Variants in ANO10 observed in about 807,000 individuals in gnomAD.
ANO10 encodes the protein anoctamin 10.
Under a neutral mutation model 74.7 loss-of-function variants are expected in ANO10, and 77 were observed. That is an observed-to-expected ratio of 1.03 (90% CI 0.86 to 1.25). The LOEUF is 1.25. Among genes scored for constraint, ANO10 ranks in the 50% most tolerant of loss-of-function variants. The probability of loss-of-function intolerance (pLI) is 0.00; values close to 1 mark genes in which losing one functional copy is unlikely to be tolerated. For missense variants in ANO10, 721 were observed against 778.1 expected (o/e 0.93, Z 0.87); for synonymous variants, 279 against 284.9 (o/e 0.98, Z 0.21).
chr3:43,509,056 A>G (rs1306993319), intron 11 of ANO10, among the ~76,000 whole-genome samples: 2 of 151,944 alleles, frequency 1.3e-5, no homozygotes, highest in African/African-American at 4.8e-5. Flanking sequence ...GGATGAATTC[A>G]TGTCCTTTGT....
At position 43,565,665 on chromosome 3, in the gene ANO10, C is replaced by T; in HGVS notation, c.1281G>A (p.Lys427=). 1 of 1,579,594 alleles carries T rather than the reference C, an allele frequency of 6.3e-7. No homozygotes were observed. The highest frequency in any genetic ancestry group is 8.6e-7 in the Non-Finnish European group (1 of 1,163,308). The change falls in exon 8 of 13, where the codon AAG becomes AAA. Residue 427 remains lysine (K), a synonymous_variant. Coordinates refer to ENST00000292246, the MANE Select transcript of ANO10 (RefSeq NM_018075.5). ...FYIAFVLKDM[K]LLRQSLATLL... is the part of the protein sequence containing the mutation. ...TATTTTTACTTACCTGGCGCAAAAG[C>T]TTCATATCTTTCAAGACAAAGGCAA...
intron 1 of ANO10, among the ~76,000 whole-genome samples, chr3:43,610,033 T>C (rs2082737917): frequency 6.6e-6 from 1 of 152,156 alleles, no homozygotes; most frequent in African/African-American, 2.4e-5. Context: ...AACTTTTTGA[T>C]TTTTTTGACT....
intron 4 of ANO10, among the ~76,000 whole-genome samples, chr3:43,589,516 A>G (rs528861291): frequency 2.6e-5 from 4 of 152,266 alleles, no homozygotes; most frequent in Admixed American, 2.0e-4. Flanking sequence ...GTGAAACCTA[A>G]GACAGTAGAA....
intron 12 of ANO10, among the ~76,000 whole-genome samples, chr3:43,372,525 C>T (rs983354977): frequency 1.1e-4 from 16 of 152,252 alleles, no homozygotes; most frequent in Admixed American, 2.6e-4. Flanking sequence ...GCTCCCTCCA[C>T]CCAGGCTTGC....
chr3:43,481,934 T>TTTC (rs1287484214), intron 11 of ANO10, among the ~76,000 whole-genome samples: 1 of 147,914 alleles, frequency 6.8e-6, no homozygotes, highest in East Asian at 1.9e-4. Context: ...TTTCTTTTTT[T>TTTC]TTTTTTTTTT....
chr3:43,502,947 TA>T (rs1301883938), intron 11 of ANO10, among the ~76,000 whole-genome samples: 1 of 152,200 alleles, frequency 6.6e-6, no homozygotes, highest in Non-Finnish European at 1.5e-5. Flanking sequence ...AATAGGGAGT[TA>T]TTGTTTAATG....
At chr3:43,368,702 C>A (rs116896819) in intron 12 of ANO10, among the ~76,000 whole-genome samples, 2,937 of 127,994 alleles carry the variant, frequency 0.023, 198 homozygotes, top group Admixed American at 0.15. Context: ...TTTTTTTTTT[C>A]AAGAGCCAGG....
chr3:43,618,113 G>A (rs146819432), intron 1 of ANO10: 3 of 152,384 alleles, frequency 2.0e-5, no homozygotes, highest in African/African-American at 7.2e-5. Context: ...GATGTAGACA[G>A]ACGTGAGAAT....
chr3:43,394,784 T>C (rs940213777), intron 12 of ANO10, among the ~76,000 whole-genome samples: 8 of 152,132 alleles, frequency 5.3e-5, no homozygotes, highest in African/African-American at 1.9e-4. Flanking sequence ...TCTCACAGTG[T>C]TCCCATTTAC....
intron 11 of ANO10, among the ~76,000 whole-genome samples, chr3:43,466,323 A>C (rs1256141457): frequency 6.8e-6 from 1 of 147,356 alleles, no homozygotes; most frequent in Non-Finnish European, 1.5e-5. Context: ...GTGAGCCGAG[A>C]TCACTGCACT....
intron 11 of ANO10, among the ~76,000 whole-genome samples, chr3:43,544,526 T>C (rs1294990545): frequency 1.3e-5 from 2 of 151,908 alleles, no homozygotes; most frequent in Non-Finnish European, 2.9e-5. Flanking sequence ...GGTATGGTGG[T>C]TCACACCTGT....
At chr3:43,673,851 C>A (rs1053133676) in intron 1 of ANO10, among the ~76,000 whole-genome samples, 5 of 152,208 alleles carry the variant, frequency 3.3e-5, no homozygotes, top group Non-Finnish European at 7.4e-5. Flanking sequence ...CCTCTGGGCT[C>A]TTCCTTTACT....
chr3:43,493,810 A>G (rs2076817515), intron 11 of ANO10, among the ~76,000 whole-genome samples: 1 of 152,166 alleles, frequency 6.6e-6, no homozygotes, highest in South Asian at 2.1e-4. Context: ...ATCACAGCTC[A>G]CTGTAATCTC....
chr3:43,384,666 G>C (rs2092065958), intron 12 of ANO10, among the ~76,000 whole-genome samples: 1 of 152,106 alleles, frequency 6.6e-6, no homozygotes, highest in Admixed American at 6.5e-5. Context: ...AAAACAAAGT[G>C]GGGAAGGACA....
chr3:43,395,674 G>C (rs2092363947), intron 12 of ANO10, among the ~76,000 whole-genome samples: 1 of 151,856 alleles, frequency 6.6e-6, no homozygotes, highest in Admixed American at 6.6e-5. Context: ...TTGAAATCAA[G>C]TAGTCTTCCA....
intron 12 of ANO10, among the ~76,000 whole-genome samples, chr3:43,375,046 G>A (rs1191939920): frequency 2.0e-5 from 3 of 151,968 alleles, no homozygotes; most frequent in South Asian, 4.2e-4. Flanking sequence ...ACATGAACCC[G>A]GGAGGCGGAG....
intron 11 of ANO10, among the ~76,000 whole-genome samples, chr3:43,488,547 C>T (rs1460681702): frequency 2.6e-5 from 4 of 152,154 alleles, no homozygotes; most frequent in African/African-American, 9.7e-5. Flanking sequence ...GACATTTATG[C>T]AGCCAAAAGA....
intron 11 of ANO10, among the ~76,000 whole-genome samples, chr3:43,482,135 A>G (rs2149088942): frequency 6.6e-6 from 1 of 151,872 alleles, no homozygotes. Context: ...TCGCCGTGTT[A>G]GCCAGGATGG....
At chr3:43,436,992 C>T (rs1442441265) in intron 11 of ANO10, among the ~76,000 whole-genome samples, 3 of 151,998 alleles carry the variant, frequency 2.0e-5, no homozygotes, top group Non-Finnish European at 2.9e-5. Context: ...AAAAGGAGTG[C>T]CCTGAAAAAG....
Sources: gnomAD v4.1 joint callset for allele counts (sites outside exome capture counted in the v4.1 genomes callset) on GRCh38, gnomAD v4.1.1 for gene constraint, MANE v1.5 for transcripts, NCBI Gene and HGNC (gene_info 2026-07-23, HGNC 2026-07-21) for gene names.